Variants in ARID5B observed in about 807,000 individuals in gnomAD.
ARID5B encodes the protein AT-rich interaction domain 5B, also known as AT-rich interactive domain-containing protein 5B.
In ARID5B, 13 loss-of-function variants were observed where a neutral mutation model predicts 97.2. The observed-to-expected ratio is 0.13, with a 90% CI of 0.09 to 0.21. The LOEUF is 0.21. ARID5B is among the 10% of genes least tolerant of loss of function. The pLI is 1.00. For missense variants in ARID5B, 1,210 were observed against 1,465.3 expected, an observed-to-expected ratio of 0.83 and a Z score of 2.84; for synonymous variants, 556 against 570.3, an observed-to-expected ratio of 0.97 and a Z score of 0.36.
At position 61,980,497 on chromosome 10, in the gene ARID5B, G is replaced by A. The variant is rs534309193; in HGVS notation, c.503-19594G>A. ...AAAAAATTTCCTGTGGAACAACTGG[G>A]AGGGGTGGGGAGGAGAGAAGCCCAG... On this transcript the variant is annotated intron_variant, in intron 3 of 9. Coordinates refer to ENST00000279873, the MANE Select transcript of ARID5B (RefSeq NM_032199.3). Among the ~76,000 whole-genome samples, 3 of 152,280 alleles carry A rather than the reference G, an allele frequency of 2.0e-5. No individual in the cohort carries two copies. In the East Asian group the frequency reaches 5.8e-4, roughly 29 times the overall value.
chr10:61,990,544 G>C (rs1409897768), intron 3 of ARID5B, among the ~76,000 whole-genome samples: 1 of 152,162 alleles, frequency 6.6e-6, no homozygotes, highest in Non-Finnish European at 1.5e-5. Context: ...CTGCAACACT[G>C]TCTGTAGGCA....
intron 3 of ARID5B, among the ~76,000 whole-genome samples, chr10:61,987,161 G>A (rs979645294): frequency 4.6e-5 from 7 of 152,136 alleles, no homozygotes; most frequent in Non-Finnish European, 1.0e-4. Context: ...GATCTGTTAG[G>A]TGTCTCCCAT....
At position 61,936,608 on chromosome 10, in the gene ARID5B, C is replaced by T. The variant is rs148427637; in HGVS notation, c.277-3575C>T. ...CTTCAGCCTGGGCTACAGAGTGAGA[C>T]TCCGTCTCAAATAAATAAATTAATT... On this transcript the variant is annotated intron_variant, in intron 2 of 9. Transcript: ENST00000279873. 7.9e-5 allele frequency among the ~76,000 whole-genome samples: 12 copies of T among 152,300 alleles called. No homozygotes were observed. The East Asian group carries it at 1.9e-3, about 25-fold the overall frequency.
chr10:61,903,976 T>C (rs1490182922), intron 2 of ARID5B, among the ~76,000 whole-genome samples: 1 of 151,346 alleles, frequency 6.6e-6, no homozygotes, highest in Non-Finnish European at 1.5e-5. Flanking sequence ...AGGTGTTGTT[T>C]GGAAATACTG....
intron 3 of ARID5B, among the ~76,000 whole-genome samples, chr10:61,983,170 G>A (rs561839328): frequency 3.5e-4 from 53 of 152,230 alleles, no homozygotes; most frequent in African/African-American, 1.0e-3. Context: ...TGTCTCACTC[G>A]GCTTGAAGTA....
chr10:61,956,876 C>T (rs1359842046), intron 3 of ARID5B, among the ~76,000 whole-genome samples: 1 of 152,208 alleles, frequency 6.6e-6, no homozygotes, highest in East Asian at 1.9e-4. Flanking sequence ...TAATAAATTG[C>T]TAACAATTTG....
Position 61,953,686 on chromosome 10 carries a change from C to A in ARID5B, c.502+13278C>A, listed in dbSNP as rs118071846. On this transcript the variant is annotated intron_variant, in intron 3 of 9. Coordinates refer to ENST00000279873, the MANE Select transcript of ARID5B (RefSeq NM_032199.3). ...TCCATAAACTGTATGGCCTTAAAAG[C>A]TTTCACTCTGCTTTGATTGCTTATC... Among the ~76,000 whole-genome samples, 516 of 152,274 alleles carry A rather than the reference C, an allele frequency of 3.4e-3. 1 individual carries two copies. Among genetic ancestry groups the A allele is most frequent in the South Asian group, 0.01 (50 of 4,828 alleles).
At chr10:62,079,752 A>T (rs748056506) in intron 8 of ARID5B, among the ~76,000 whole-genome samples, 2 of 152,312 alleles carry the variant, frequency 1.3e-5, no homozygotes, top group Non-Finnish European at 2.9e-5. Context: ...CCTAAGAAAC[A>T]ACTCTCCCAC....
At chr10:62,066,605 T>C (rs964494994) in intron 7 of ARID5B, among the ~76,000 whole-genome samples, 1 of 152,178 alleles carries the variant, frequency 6.6e-6, no homozygotes, top group African/African-American at 2.4e-5. Flanking sequence ...CACAGCTTAT[T>C]AATGCCCAGC....
chr10:61,987,525 G>A (rs1024801599), intron 3 of ARID5B, among the ~76,000 whole-genome samples: 2 of 152,162 alleles, frequency 1.3e-5, no homozygotes, highest in Non-Finnish European at 2.9e-5. Flanking sequence ...CAGATTTCTG[G>A]CAGCAAGACT....
chr10:62,025,003 C>T (rs1589262967), intron 4 of ARID5B: 1 of 212,150 alleles, frequency 4.7e-6, no homozygotes, highest in Admixed American at 5.9e-5. Flanking sequence ...TTTCGTAGAA[C>T]ATTATTTGTA....
rs1840452009 is a variant in ARID5B, at chr10:62,095,301, A to T, written c.*2271A>T. On this transcript the variant is annotated 3_prime_UTR_variant, in exon 10 of 10. Coordinates refer to ENST00000279873, the MANE Select transcript of ARID5B (RefSeq NM_032199.3). ...TCACAGAATCGGAGGACATGGAAGA[A>T]AAAGGAAACTTCGGTGGTTCTGCAG... 4.3e-6 allele frequency: 1 copy of T among 233,616 alleles called. No homozygotes were observed. Among genetic ancestry groups the T allele is most frequent in the South Asian group, 1.8e-4 (1 of 5,522 alleles). 14.5% of individuals were successfully genotyped at this position (233,616 alleles called of 1,614,324 possible).
chr10:62,057,301 A>C lies in ARID5B; in HGVS notation c.1031A>C (p.Tyr344Ser), dbSNP rs763950577. Residue 344 changes from tyrosine to serine, a missense_variant, in exon 6 of 10, where the codon TAT becomes TCT. Physicochemically the swap from Tyr to Ser is moderately radical, Grantham distance 144. This residue lies in a region of ARID5B where 59 missense variants were observed against 156.7 expected (regional missense o/e 0.38). Coordinates refer to ENST00000279873, the MANE Select transcript of ARID5B (RefSeq NM_032199.3). ...AAAACGCCGATAGAACGAATACCCT[A>C]TTTAGGTTTTAAACAGAGTGAGTAT... ...ERKTPIERIP[Y>S]LGFKQINLWT... The C allele has an allele frequency of 6.2e-7, 1 of 1,613,524 alleles. No homozygotes were observed. The highest frequency in any genetic ancestry group is 8.5e-7 in the Non-Finnish European group (1 of 1,179,602).
chr10:62,002,416 C>T (rs147079817), intron 4 of ARID5B, among the ~76,000 whole-genome samples: 1 of 152,108 alleles, frequency 6.6e-6, no homozygotes, highest in Non-Finnish European at 1.5e-5. Context: ...CCTTTAGAGA[C>T]CTTCTAGATG....
chr10:61,903,088 C>G (rs1165236570), intron 2 of ARID5B, among the ~76,000 whole-genome samples: 2 of 152,192 alleles, frequency 1.3e-5, no homozygotes, highest in Non-Finnish European at 2.9e-5. Context: ...CCCCCTCCCC[C>G]CGGACAAGCC....
At chr10:61,903,064 A>G (rs1489202116) in intron 2 of ARID5B, among the ~76,000 whole-genome samples, 1 of 151,934 alleles carries the variant, frequency 6.6e-6, no homozygotes, top group Non-Finnish European at 1.5e-5. Flanking sequence ...ATTAACAACT[A>G]TCTCTCGCCC....
At chr10:61,975,544 G>A (rs544833675) in intron 3 of ARID5B, among the ~76,000 whole-genome samples, 13 of 152,100 alleles carry the variant, frequency 8.5e-5, no homozygotes, top group Non-Finnish European at 1.8e-4. Flanking sequence ...CTGAGTCTCC[G>A]ATCCTCTTTT....
rs761090020 is a variant in ARID5B, at chr10:62,093,472, A to G, written c.*442A>G. ...TTTTCATAAAACTCTCCAAGGTTCA[A>G]TCAATGCAATGTATAGTGAAACTTC... is the stretch of plus-strand genomic sequence containing the variant. On this transcript the variant is annotated 3_prime_UTR_variant, in exon 10 of 10. Coordinates refer to ENST00000279873, the MANE Select transcript of ARID5B (RefSeq NM_032199.3). 1.7e-4 allele frequency: 43 copies of G among 248,432 alleles called. No individual in the cohort carries two copies. In the East Asian group the frequency reaches 2.5e-3, roughly 14 times the overall value. The allele number at this position is 248,432 out of a possible 1,614,324, so 15.4% of individuals were successfully genotyped here.
Position 62,000,941 on chromosome 10 carries a change from C to T in ARID5B, c.733+620C>T, listed in dbSNP as rs145128832. Among the ~76,000 whole-genome samples the T allele has an allele frequency of 1.3e-4, 20 of 152,272 alleles. No individual in the cohort carries two copies. The highest frequency in any genetic ancestry group is 3.9e-4 in the Admixed American group (6 of 15,286). On this transcript the variant is annotated intron_variant, in intron 4 of 9. Coordinates refer to ENST00000279873, the MANE Select transcript of ARID5B (RefSeq NM_032199.3). The surrounding 1 kb of genome is among the most constrained non-coding windows in gnomAD (Gnocchi z 4.4). Reference sequence around the variant, plus strand: ...TCATACACACACATGCACACGTACACGCACATTGTGCCCACCAAAGATGGA... The same window carrying T: ...TCATACACACACATGCACACGTACATGCACATTGTGCCCACCAAAGATGGA...
Sources: allele counts gnomAD v4.1 joint callset (sites outside exome capture counted in the v4.1 genomes callset), GRCh38; gene constraint gnomAD v4.1.1; regional missense constraint gnomAD v4.1.1; non-coding constraint Gnocchi (gnomAD v3.1); transcripts MANE v1.5; gene names NCBI Gene and HGNC (gene_info 2026-07-23, HGNC 2026-07-21).